PALMD: variants seen among roughly 807,000 people sequenced by gnomAD.
PALMD encodes palmdelphin, also known as paralemmin-like protein.
Under a neutral mutation model 56.2 loss-of-function variants are expected in PALMD, and 42 were observed. The observed-to-expected ratio is 0.75, with a 90% CI of 0.58 to 0.97. The LOEUF (loss-of-function observed/expected upper bound fraction) is 0.97, where lower values mean the gene tolerates loss of function less well. PALMD is among the 50% of genes least tolerant of loss of function. PALMD has a pLI of 0.00. For synonymous variants in PALMD, 242 were observed against 222.9 expected, an observed-to-expected ratio of 1.09 and a Z score of -0.76; for missense variants, 660 against 643.8, an observed-to-expected ratio of 1.03 and a Z score of -0.27.
Position 99,688,819 on chromosome 1 carries a change from G to A in PALMD, c.559G>A (p.Gly187Arg). The change falls in exon 7 of 8, where the codon GGA becomes AGA. Residue 187 changes from glycine (G) to arginine (R), a missense_variant. Gly to Arg is a moderately radical substitution (Grantham distance 125, BLOSUM62 -2). Transcript: ENST00000263174. ...EIKVEKDLKTGESTVLSSIPL... is the reference protein window; with the variant it reads ...EIKVEKDLKTRESTVLSSIPL... ...TAAAGTTGAAAAAGACTTGAAGACT[G>A]GAGAAAGTACAGTTCTGTCTTCAAT... 1 of 1,609,732 alleles carries A rather than the reference G, an allele frequency of 6.2e-7. No individual in the cohort carries two copies. Among genetic ancestry groups the A allele is most frequent in the Non-Finnish European group, 8.5e-7 (1 of 1,177,100 alleles).
intron 3 of PALMD, 140 bp from the exon 4 acceptor site, chr1:99,686,536 A>G (rs7512963): frequency 0.044 from 23,648 of 543,392 alleles, 1,432 homozygotes; most frequent in African/African-American, 0.22. Flanking sequence ...TGTGATGCTA[A>G]GTGTGACATT....
At position 99,694,034 on chromosome 1, in the gene PALMD, T is replaced by A; in HGVS notation, c.1628T>A (p.Met543Lys). 1 of 1,603,782 alleles carries A rather than the reference T, an allele frequency of 6.2e-7. No homozygotes were observed. The highest frequency in any genetic ancestry group is 8.5e-7 in the Non-Finnish European group (1 of 1,172,594). Residue 543 changes from methionine to lysine, a missense_variant, in exon 8 of 8, where the codon ATG becomes AAG. By Grantham distance (95) the Met-to-Lys change is moderately conservative. Coordinates refer to ENST00000263174, the MANE Select transcript of PALMD (RefSeq NM_017734.5). ...DPSLTALRMR[M>K]AKLGKKVI is the part of the protein sequence containing the mutation. ...TAATTTGCAGCTTTAAGGATGAGAA[T>A]GGCAAAGCTGGGAAAAAAGGTGATC...
chr1:99,660,004 C>A (rs945660475), intron 1 of PALMD, among the ~76,000 whole-genome samples: 5 of 152,200 alleles, frequency 3.3e-5, no homozygotes, highest in African/African-American at 4.8e-5. Context: ...GGCAAACCAG[C>A]CCAAACTGGC....
In PALMD at chr1:99,670,658, C is replaced by CA. The variant is rs201906609; in HGVS notation, c.251+2901dup. On this transcript the variant is annotated intron_variant, in intron 3 of 7. Transcript: ENST00000263174. ...GAATGATCCTAAAAAGATGTATTTG[C>CA]AAAAAAAAATAGTAAAGAATTTGTT... Among the ~76,000 whole-genome samples the CA allele has an allele frequency of 7.1e-3, 1,051 of 148,788 alleles. 10 individuals are homozygous for CA. Among genetic ancestry groups the CA allele is most frequent in the African/African-American group, 0.023 (924 of 40,678 alleles).
intron 3 of PALMD, among the ~76,000 whole-genome samples, chr1:99,670,653 A>G (rs1653061887): frequency 6.6e-6 from 1 of 152,068 alleles, no homozygotes; most frequent in Non-Finnish European, 1.5e-5. Context: ...AAAAAGATGT[A>G]TTTGCAAAAA....
At chr1:99,693,346 T>A (rs1403341063) in intron 7 of PALMD, among the ~76,000 whole-genome samples, 1 of 152,168 alleles carries the variant, frequency 6.6e-6, no homozygotes, top group Non-Finnish European at 1.5e-5. Flanking sequence ...AGAATACTCA[T>A]CCAGAATACC....
intron 1 of PALMD, among the ~76,000 whole-genome samples, chr1:99,656,670 T>C (rs1652730965): frequency 6.6e-6 from 1 of 152,188 alleles, no homozygotes; most frequent in African/African-American, 2.4e-5. Flanking sequence ...TTTTCTTTAC[T>C]TTTATCCTTG....
Position 99,662,349 on chromosome 1 carries a change from C to T in PALMD, c.76C>T (p.Gln26Ter). 1 of 1,573,214 alleles carries T rather than the reference C, an allele frequency of 6.4e-7. No individual in the cohort carries two copies. Among genetic ancestry groups the T allele is most frequent in the South Asian group, 1.1e-5 (1 of 87,178 alleles). ...AAGAAAAATACAGGAAGAAATCTCA[C>T]AGAAGCGTCTGAAAATAGAGGAAGA... is the stretch of plus-strand genomic sequence containing the variant. The part of the protein sequence containing the change: ...DKRKIQEEIS[Q>*]KRLKIEEDKL... The change falls in exon 2 of 8, where the codon CAG (glutamine) becomes TAG (stop). Residue 26 changes from glutamine (Q) to a stop codon, truncating the protein, a stop_gained. Transcript: ENST00000263174. LOFTEE classifies it high-confidence loss of function.
At chr1:99,653,309 AC>A (rs1652638927) in intron 1 of PALMD, among the ~76,000 whole-genome samples, 1 of 151,604 alleles carries the variant, frequency 6.6e-6, no homozygotes, top group Non-Finnish European at 1.5e-5. Flanking sequence ...ATTTACCATC[AC>A]CCCTTGATTA....
intron 3 of PALMD, among the ~76,000 whole-genome samples, chr1:99,674,239 A>G (rs1250914491): frequency 6.6e-6 from 1 of 152,180 alleles, no homozygotes; most frequent in Non-Finnish European, 1.5e-5. Context: ...AGAAATAAAG[A>G]TTAAATGGTT....
At chr1:99,656,123 T>C (rs1429143910) in intron 1 of PALMD, among the ~76,000 whole-genome samples, 1 of 152,172 alleles carries the variant, frequency 6.6e-6, no homozygotes, top group Non-Finnish European at 1.5e-5. Context: ...AATGATTTGG[T>C]TTTATTTTTT....
chr1:99,656,712 T>C (rs1557667470), intron 1 of PALMD, among the ~76,000 whole-genome samples: 1 of 152,198 alleles, frequency 6.6e-6, no homozygotes, highest in Non-Finnish European at 1.5e-5. Flanking sequence ...TTTTCTTTTG[T>C]AGAGTTAGTG....
chr1:99,688,764 TTTC>T lies in PALMD; in HGVS notation c.515-8_515-6del. The T allele has an allele frequency of 1.3e-6, 2 of 1,543,670 alleles. No homozygotes were observed. Among genetic ancestry groups the T allele is most frequent in the Non-Finnish European group, 1.7e-6 (2 of 1,144,520 alleles). ...TTAACTAAATCAAAGATCAAATTTG[TTTC>T]TTAACAGCTTTATATGCCATGGAAA... On this transcript the variant is annotated splice_polypyrimidine_tract_variant and splice_region_variant and intron_variant, in intron 6 of 7. Coordinates refer to ENST00000263174, the MANE Select transcript of PALMD (RefSeq NM_017734.5).
intron 1 of PALMD, among the ~76,000 whole-genome samples, chr1:99,653,763 A>G (rs1047048825): frequency 2.0e-5 from 3 of 152,134 alleles, no homozygotes; most frequent in Admixed American, 2.0e-4. Flanking sequence ...TCCATTTGAG[A>G]ACAGCTCTCT....
At chr1:99,688,475 C>T (rs916877674) in intron 6 of PALMD, among the ~76,000 whole-genome samples, 4 of 151,878 alleles carry the variant, frequency 2.6e-5, no homozygotes, top group African/African-American at 7.3e-5. Flanking sequence ...ATATCTTTTT[C>T]GGTTCCCCAT....
intron 3 of PALMD, among the ~76,000 whole-genome samples, chr1:99,674,026 G>C (rs370356040): frequency 1.4e-4 from 21 of 152,256 alleles, no homozygotes; most frequent in East Asian, 1.2e-3. Flanking sequence ...TAAACATCCA[G>C]CTATTTTGAG....
In PALMD at chr1:99,693,965, A is replaced by G. The variant is rs1653720802; in HGVS notation, c.1613-54A>G. 4.0e-6 allele frequency: 5 copies of G among 1,255,894 alleles called. No homozygotes were observed. The South Asian group carries it at 6.5e-5, about 16-fold the overall frequency. 77.8% of individuals were successfully genotyped at this position (1,255,894 alleles called of 1,614,324 possible). ...CTGCATTCTATGAATGGCCATTTAG[A>G]GTAAAAATTGAGGATTTTTTTTATA... On this transcript the variant is annotated intron_variant, in intron 7 of 7. Coordinates refer to ENST00000263174, the MANE Select transcript of PALMD (RefSeq NM_017734.5).
intron 1 of PALMD, among the ~76,000 whole-genome samples, chr1:99,656,520 C>A (rs1652728168): frequency 6.6e-6 from 1 of 152,152 alleles, no homozygotes; most frequent in African/African-American, 2.4e-5. Flanking sequence ...AGATTATCAG[C>A]TTCTAGAAAA....
chr1:99,674,763 G>A (rs150990748), intron 3 of PALMD, among the ~76,000 whole-genome samples: 1 of 152,176 alleles, frequency 6.6e-6, no homozygotes, highest in East Asian at 1.9e-4. Context: ...GTGCTGACAT[G>A]AGTAAAGACA....
Sources: gnomAD v4.1 joint callset for allele counts (sites outside exome capture counted in the v4.1 genomes callset) on GRCh38, gnomAD v4.1.1 for gene constraint, MANE v1.5 for transcripts, NCBI Gene and HGNC (gene_info 2026-07-23, HGNC 2026-07-21) for gene names.